Variants in ITPK1 observed in about 807,000 individuals in gnomAD.
ITPK1 encodes the protein inositol 1,3,4-trisphosphate 5/6-kinase.
In ITPK1, 21 loss-of-function variants were observed where a neutral mutation model predicts 45.3. The observed-to-expected ratio is 0.46, with a 90% CI of 0.33 to 0.67. The LOEUF (loss-of-function observed/expected upper bound fraction) is 0.67. Among genes scored for constraint, ITPK1 ranks in the 30% least tolerant of loss-of-function variants. The probability of loss-of-function intolerance (pLI) is 0.02; values close to 1 mark genes in which losing one functional copy is unlikely to be tolerated. For synonymous variants in ITPK1, 258 were observed against 253.6 expected (o/e 1.02, Z -0.16); for missense variants, 474 against 573.5 (o/e 0.83, Z 1.77).
chr14:92,958,256 C>G lies in ITPK1; in HGVS notation c.615G>C (p.Glu205Asp). The G allele has an allele frequency of 1.2e-6, 2 of 1,614,204 alleles. No individual in the cohort carries two copies. Among genetic ancestry groups the G allele is most frequent in the Non-Finnish European group, 8.5e-7 (1 of 1,180,028 alleles). Residue 205 changes from glutamate (E) to aspartate (D), a missense_variant, in exon 8 of 11, where the codon GAG (glutamate) becomes GAC (aspartate). Physicochemically the swap from Glu to Asp is conservative, Grantham distance 45. Transcript: ENST00000267615. This position sits in a 1 kb window ranked among gnomAD's most constrained non-coding sequence, Gnocchi z 4.4. ...AGGGCCTCTGGACCACGGTGTAGGA[C>G]TCGCCAACCACGAACACCTTGTACA... is the stretch of plus-strand genomic sequence containing the variant. ...AVLYKVFVVG[E>D]SYTVVQRPSL...
chr14:93,009,517 G>A (rs116437090), intron 4 of ITPK1, among the ~76,000 whole-genome samples: 1,620 of 152,312 alleles, frequency 0.011, 37 homozygotes, highest in African/African-American at 0.037. Flanking sequence ...CAACTGCAAC[G>A]GGCTAACGGC....
chr14:92,971,201 C>A (rs918106084), intron 5 of ITPK1, among the ~76,000 whole-genome samples: 12 of 152,234 alleles, frequency 7.9e-5, no homozygotes, highest in African/African-American at 2.4e-4. Flanking sequence ...CCCGACTGGG[C>A]ACTCTGCAGG....
intron 3 of ITPK1, chr14:93,072,112 G>T (rs565976604): frequency 2.1e-4 from 32 of 149,780 alleles, no homozygotes; most frequent in African/African-American, 7.1e-4. Context: ...TGGTCAACTG[G>T]TGAAACCCCA....
chr14:93,102,510 C>T (rs1022622474), intron 2 of ITPK1, among the ~76,000 whole-genome samples: 6 of 152,304 alleles, frequency 3.9e-5, no homozygotes, highest in African/African-American at 1.4e-4. Flanking sequence ...TGGTGGCTCA[C>T]ACCTGTAATC....
intron 3 of ITPK1, among the ~76,000 whole-genome samples, chr14:93,065,170 A>G (rs1305883328): frequency 1.3e-5 from 2 of 152,236 alleles, no homozygotes; most frequent in Admixed American, 6.5e-5. Context: ...TCACTCACTC[A>G]CAGCAGGAGA....
chr14:92,996,577 TA>T (rs1361588009), intron 4 of ITPK1, among the ~76,000 whole-genome samples: 378 of 142,314 alleles, frequency 2.7e-3, no homozygotes, highest in East Asian at 5.6e-3. Flanking sequence ...AACTTAAATT[TA>T]AAAAAAAAAA....
chr14:93,090,147 C>T (rs983869770), intron 2 of ITPK1, among the ~76,000 whole-genome samples: 14 of 152,044 alleles, frequency 9.2e-5, no homozygotes, highest in African/African-American at 3.1e-4. Context: ...ACCACTTGGG[C>T]CTCTGCAGCA....
intron 3 of ITPK1, among the ~76,000 whole-genome samples, chr14:93,045,307 C>T (rs1228490302): frequency 6.6e-6 from 1 of 152,222 alleles, no homozygotes; most frequent in Non-Finnish European, 1.5e-5. Flanking sequence ...GCCAGGAAAC[C>T]ACAGAGGCCA....
At chr14:93,066,253 G>A (rs1411710593) in intron 3 of ITPK1, 1 of 455,620 alleles carries the variant, frequency 2.2e-6, no homozygotes, top group African/African-American at 2.0e-5. Flanking sequence ...CCAGCCTCAG[G>A]AGGACACACC....
chr14:93,086,696 T>C (rs1388120628), intron 2 of ITPK1, among the ~76,000 whole-genome samples: 14 of 152,148 alleles, frequency 9.2e-5, no homozygotes, highest in Non-Finnish European at 4.4e-5. Flanking sequence ...AGCTGCTGTG[T>C]GAGCCAGGCC....
chr14:92,941,470 G>C lies in ITPK1; in HGVS notation c.*91C>G, dbSNP rs1001992951. ...AAAACAGAAGAATCAGATCACTGGG[G>C]ATTCTTAGTAGTAGCATCGCCGTTG... is the stretch of plus-strand genomic sequence containing the variant. On this transcript the variant is annotated 3_prime_UTR_variant, in exon 11 of 11. Transcript: ENST00000267615. 2.5e-5 allele frequency: 36 copies of C among 1,437,862 alleles called. No homozygotes were observed. Among genetic ancestry groups the C allele is most frequent in the Non-Finnish European group, 3.1e-5 (34 of 1,103,292 alleles). 89.1% of individuals were successfully genotyped at this position (1,437,862 alleles called of 1,614,324 possible).
At chr14:92,969,326 G>A (rs1885533744) in intron 5 of ITPK1, among the ~76,000 whole-genome samples, 1 of 151,996 alleles carries the variant, frequency 6.6e-6, no homozygotes, top group Non-Finnish European at 1.5e-5. Flanking sequence ...ACAAAATGGG[G>A]GTGCCGGCAG....
intron 9 of ITPK1, among the ~76,000 whole-genome samples, chr14:92,947,032 G>T (rs1204012709): frequency 6.6e-6 from 1 of 152,230 alleles, no homozygotes; most frequent in Non-Finnish European, 1.5e-5. Flanking sequence ...GCTGAGGCCA[G>T]CAGCTGCGGG....
intron 3 of ITPK1, among the ~76,000 whole-genome samples, chr14:93,028,087 T>C (rs571081252): frequency 2.0e-4 from 31 of 152,306 alleles, no homozygotes; most frequent in African/African-American, 7.2e-4. Context: ...ACGCCCAACA[T>C]GCCCTGGTTC....
At chr14:93,078,291 T>C (rs1265972420) in intron 2 of ITPK1, among the ~76,000 whole-genome samples, 1 of 151,978 alleles carries the variant, frequency 6.6e-6, no homozygotes, top group African/African-American at 2.4e-5. Flanking sequence ...GCCCACCAAT[T>C]CCTACATCTG....
intron 8 of ITPK1, among the ~76,000 whole-genome samples, chr14:92,956,083 T>C (rs1884706603): frequency 6.6e-6 from 1 of 151,934 alleles, no homozygotes. Flanking sequence ...TTCTCCTTTT[T>C]AGCTCTGTGT....
intron 4 of ITPK1, among the ~76,000 whole-genome samples, chr14:93,013,069 GA>G (rs760681605): frequency 6.6e-5 from 10 of 152,192 alleles, no homozygotes; most frequent in Non-Finnish European, 1.2e-4. Context: ...CCCCGAGCCT[GA>G]GGCAGGGACC....
intron 3 of ITPK1, among the ~76,000 whole-genome samples, chr14:93,062,818 C>G (rs1890587963): frequency 6.6e-6 from 1 of 152,246 alleles, no homozygotes; most frequent in Non-Finnish European, 1.5e-5. Flanking sequence ...CAAGGCGTTT[C>G]ATCTTCTCCC....
At chr14:93,015,643 T>C (rs1236454870) in intron 4 of ITPK1, among the ~76,000 whole-genome samples, 2 of 152,200 alleles carry the variant, frequency 1.3e-5, no homozygotes, top group Admixed American at 1.3e-4. Flanking sequence ...ACGTGGGACA[T>C]GCCCTGCCCC....
Sources: gnomAD v4.1 joint callset for allele counts (sites outside exome capture counted in the v4.1 genomes callset) on GRCh38, gnomAD v4.1.1 for gene constraint, Gnocchi (gnomAD v3.1) non-coding constraint, MANE v1.5 for transcripts, NCBI Gene and HGNC (gene_info 2026-07-23, HGNC 2026-07-21) for gene names.